ARMC3: variants seen among roughly 807,000 people sequenced by gnomAD.
ARMC3 encodes the protein armadillo repeat-containing protein 3.
Under a neutral mutation model 90.3 loss-of-function variants are expected in ARMC3, and 74 were observed. The observed-to-expected ratio is 0.82, with a 90% confidence interval of 0.68 to 0.99. The LOEUF is 0.99. ARMC3 is among the 50% of genes least tolerant of loss of function. The pLI is 0.00. For missense variants in ARMC3, 958 were observed against 1,042.8 expected, an observed-to-expected ratio of 0.92 and a Z score of 1.12; for synonymous variants, 334 against 361.8, an observed-to-expected ratio of 0.92 and a Z score of 0.87.
intron 3 of ARMC3, among the ~76,000 whole-genome samples, chr10:22,948,090 T>C (rs370909163): frequency 2.1e-4 from 32 of 152,222 alleles, no homozygotes; most frequent in African/African-American, 7.2e-4. Context: ...TGTTGGAAAC[T>C]GAATGAGAGA....
rs1029691993 is a variant in ARMC3, at chr10:23,038,150, T to C, written c.*671T>C. ...GCTAAAAACAATTCTGATTTGCTCTTCCACATTTTAATGCTGGGCCATTAA... is the reference window on the plus strand; with the variant it reads ...GCTAAAAACAATTCTGATTTGCTCTCCCACATTTTAATGCTGGGCCATTAA... On this transcript the variant is annotated 3_prime_UTR_variant, in exon 19 of 19. Coordinates refer to ENST00000298032, the MANE Select transcript of ARMC3 (RefSeq NM_173081.5). The C allele has an allele frequency of 5.3e-5, 8 of 152,244 alleles. No homozygotes were observed. Among genetic ancestry groups the C allele is most frequent in the African/African-American group, 1.9e-4 (8 of 41,464 alleles). 9.4% of individuals were successfully genotyped at this position (152,244 alleles called of 1,614,324 possible). A position where few individuals can be genotyped will look rare whatever the true frequency, so the allele number is the denominator to read the frequency against.
intron 11 of ARMC3, among the ~76,000 whole-genome samples, chr10:23,000,016 C>A (rs1478489654): frequency 6.6e-6 from 1 of 152,072 alleles, no homozygotes; most frequent in Non-Finnish European, 1.5e-5. Flanking sequence ...TGCAGGAGAC[C>A]CTTTACTTTT....
chr10:22,937,823 A>G (rs1272354588), intron 2 of ARMC3, among the ~76,000 whole-genome samples: 5 of 152,126 alleles, frequency 3.3e-5, no homozygotes, highest in African/African-American at 7.2e-5. Flanking sequence ...TCCAAGTACT[A>G]CCATCACCCC....
intron 17 of ARMC3, 46 bp downstream of exon 17, chr10:23,030,842 T>G: frequency 6.3e-7 from 1 of 1,588,038 alleles, no homozygotes. Context: ...TGAAAAAATT[T>G]TAGTGTCATA....
intron 11 of ARMC3, among the ~76,000 whole-genome samples, chr10:22,999,547 A>G (rs947571937): frequency 6.6e-6 from 1 of 152,224 alleles, no homozygotes; most frequent in African/African-American, 2.4e-5. Context: ...AACAAAACCA[A>G]CGTTTATTTG....
At chr10:22,946,077 C>G (rs1423271157) in intron 2 of ARMC3, 67 bp from the exon 3 acceptor site, 1 of 1,119,318 alleles carries the variant, frequency 8.9e-7, no homozygotes, top group Non-Finnish European at 1.3e-6. Flanking sequence ...GTTTTAAGAC[C>G]CATTCATTTT....
At chr10:23,029,597 A>G (rs11013260) in intron 16 of ARMC3, among the ~76,000 whole-genome samples, 2 of 152,218 alleles carry the variant, frequency 1.3e-5, no homozygotes, top group Non-Finnish European at 2.9e-5. Context: ...TTCAAAAAAG[A>G]TTGCTGAATT....
chr10:22,932,040 A>G lies in ARMC3; in HGVS notation c.44A>G (p.Asp15Gly). ...AAGGAAGTAGAGCCTCCTCCTAAGG[A>G]TGTGGTAAGTTTCTGATTTGAATAC... ...IKKEVEPPPK[D>G]VFDPLMIESK... is the part of the protein sequence containing the mutation. The change falls in exon 2 of 19, where the codon GAT becomes GGT. Residue 15 changes from aspartate to glycine, a missense_variant. Transcript: ENST00000298032. 1 of 1,599,008 alleles carries G rather than the reference A, an allele frequency of 6.3e-7. No homozygotes were observed. The highest frequency in any genetic ancestry group is 8.5e-7 in the Non-Finnish European group (1 of 1,175,380).
chr10:22,981,539 A>T (rs780569028), intron 9 of ARMC3, 47 bp downstream of exon 9: 1 of 1,613,316 alleles, frequency 6.2e-7, no homozygotes, highest in Non-Finnish European at 8.5e-7. Flanking sequence ...AGGTTACCGT[A>T]TTTTAGTGCA....
intron 10 of ARMC3, among the ~76,000 whole-genome samples, chr10:22,995,647 G>A (rs1167127798): frequency 6.6e-6 from 1 of 152,192 alleles, no homozygotes; most frequent in African/African-American, 2.4e-5. Context: ...ATATGCCTTT[G>A]TAGAGGAGAA....
rs1310128933 is a variant in ARMC3 at position 23,038,365 on chromosome 10, A to G, written c.*886A>G. ...TAATCTCGTGAAGTACATATTGCCT[A>G]GTCACGCTTAAAGTCCAGTGTTGAC... On this transcript the variant is annotated 3_prime_UTR_variant, in exon 19 of 19. Coordinates refer to ENST00000298032, the MANE Select transcript of ARMC3 (RefSeq NM_173081.5). 1 of 152,188 alleles carries G rather than the reference A, an allele frequency of 6.6e-6. No individual in the cohort carries two copies. The highest frequency in any genetic ancestry group is 1.5e-5 in the Non-Finnish European group (1 of 68,022). The allele number at this position is 152,188 out of a possible 1,614,324, so 9.4% of individuals were successfully genotyped here. A position where few individuals can be genotyped will look rare whatever the true frequency, so the allele number is the denominator to read the frequency against.
intron 16 of ARMC3, among the ~76,000 whole-genome samples, chr10:23,011,293 A>T (rs1807232563): frequency 6.6e-6 from 1 of 152,158 alleles, no homozygotes; most frequent in African/African-American, 2.4e-5. Context: ...CACACTTATA[A>T]ATGATGCATC....
At chr10:22,944,443 T>C (rs1005048719) in intron 2 of ARMC3, among the ~76,000 whole-genome samples, 4 of 152,222 alleles carry the variant, frequency 2.6e-5, no homozygotes, top group Non-Finnish European at 5.9e-5. Context: ...CTTCAAATCA[T>C]ATCTGAAGTT....
Position 23,037,375 on chromosome 10 carries a change from G to A in ARMC3, c.2515G>A (p.Gly839Arg), listed in dbSNP as rs1231262602. The A allele has an allele frequency of 1.9e-6, 3 of 1,613,882 alleles. No homozygotes were observed. In the African/African-American group the frequency reaches 4.0e-5, roughly 22 times the overall value. Residue 839 changes from glycine to arginine, a missense_variant, in exon 19 of 19, where the codon GGG becomes AGG. Coordinates refer to ENST00000298032, the MANE Select transcript of ARMC3 (RefSeq NM_173081.5). ...LQNDSRKGVI[G>R]GLPAPEMYVI... ...GAATGACTCTCGGAAGGGAGTGATT[G>A]GGGGCCTCCCCGCTCCTGAGATGTA...
intron 11 of ARMC3, among the ~76,000 whole-genome samples, chr10:23,000,919 CT>C (rs929531676): frequency 3.4e-4 from 51 of 150,178 alleles, no homozygotes; most frequent in Non-Finnish European, 5.9e-4. Flanking sequence ...TCTGCCCAAT[CT>C]TTTTTTTTTC....
intron 10 of ARMC3, among the ~76,000 whole-genome samples, chr10:22,990,317 G>C (rs896156598): frequency 2.0e-4 from 31 of 152,310 alleles, no homozygotes; most frequent in African/African-American, 7.0e-4. Context: ...TGAAAGGCTT[G>C]AGTAGGATTT....
chr10:22,970,258 TGGA>T (rs2131297836), intron 8 of ARMC3, among the ~76,000 whole-genome samples: 1 of 152,086 alleles, frequency 6.6e-6, no homozygotes, highest in East Asian at 1.9e-4. Flanking sequence ...TCAGATGGGA[TGGA>T]GGAGGAGAAG....
chr10:22,991,597 A>G (rs1410289453), intron 10 of ARMC3, among the ~76,000 whole-genome samples: 2 of 152,138 alleles, frequency 1.3e-5, no homozygotes, highest in African/African-American at 4.8e-5. Context: ...GGCCAGCAGT[A>G]CACAAGTAAT....
intron 7 of ARMC3, among the ~76,000 whole-genome samples, chr10:22,966,686 T>A (rs1835453600): frequency 1.3e-5 from 2 of 152,134 alleles, no homozygotes; most frequent in South Asian, 2.1e-4. Flanking sequence ...GACTCACAGA[T>A]CCTAGTGGAT....
Sources: allele counts gnomAD v4.1 joint callset (sites outside exome capture counted in the v4.1 genomes callset), GRCh38; gene constraint gnomAD v4.1.1; transcripts MANE v1.5; gene names NCBI Gene and HGNC (gene_info 2026-07-23, HGNC 2026-07-21).